The following STMN3 variants were observed in gnomAD, a reference collection of about 807,000 sequenced individuals.
The protein encoded by STMN3 is stathmin-3.
In STMN3, 24 loss-of-function variants were observed where a neutral mutation model predicts 23.2. That is an observed-to-expected ratio of 1.03 (90% CI 0.75 to 1.45). The LOEUF is 1.45. Ranked by LOEUF, STMN3 falls within the 40% of genes most tolerant of loss-of-function variation. STMN3 has a pLI of 0.00. For synonymous variants in STMN3, 117 were observed against 103.4 expected, an observed-to-expected ratio of 1.13 and a Z score of -0.80; for missense variants, 235 against 237.6, an observed-to-expected ratio of 0.99 and a Z score of 0.07.
In STMN3 at chr20:63,643,880, ACCTCGAAGCTCTGG is replaced by A; in HGVS notation, c.153_166del (p.Gln52HisfsTer7). On this transcript the variant is annotated frameshift_variant, in exon 3 of 5. Coordinates refer to ENST00000370053, the MANE Select transcript of STMN3 (RefSeq NM_015894.4). LOFTEE classifies it high-confidence loss of function. The stretch of plus-strand genomic sequence containing the variant: ...CAGGTCAGAAGGGGACTTGAGGATG[ACCTCGAAGCTCTGG>A]CCTGAGGCCCGCTTGTCCAGCTGCT... 2 of 1,593,592 alleles carry A rather than the reference ACCTCGAAGCTCTGG, an allele frequency of 1.3e-6. No individual in the cohort carries two copies. The highest frequency in any genetic ancestry group is 1.7e-6 in the Non-Finnish European group (2 of 1,174,692).
At chr20:63,646,290 G>C (rs1279184309) in intron 1 of STMN3, among the ~76,000 whole-genome samples, 1 of 152,122 alleles carries the variant, frequency 6.6e-6, no homozygotes, top group East Asian at 1.9e-4. Flanking sequence ...ATTGTCTTCA[G>C]GGAGGGAGAT....
intron 1 of STMN3, 70 bp downstream of exon 1, chr20:63,653,257 C>G: frequency 6.6e-7 from 1 of 1,516,910 alleles, no homozygotes. Context: ...GGCCGCTGCC[C>G]CAGGCGAGGC....
At chr20:63,643,241 G>A (rs1243319715) in intron 3 of STMN3, among the ~76,000 whole-genome samples, 2 of 152,138 alleles carry the variant, frequency 1.3e-5, no homozygotes, top group East Asian at 1.9e-4. Context: ...CCAGGTGGCC[G>A]CCTCGGAACC....
At chr20:63,644,081 G>A (rs1295729769) in intron 2 of STMN3, 133 bp downstream of exon 2, 50 of 1,332,638 alleles carry the variant, frequency 3.8e-5, no homozygotes, top group Non-Finnish European at 5.1e-5. Flanking sequence ...CCCCCAGGAT[G>A]GGCCCCTTCC....
intron 1 of STMN3, among the ~76,000 whole-genome samples, chr20:63,646,323 C>A (rs1215769349): frequency 2.6e-5 from 4 of 151,938 alleles, no homozygotes; most frequent in African/African-American, 7.3e-5. Context: ...GGTGGGGGAG[C>A]CTCACAGGGG....
Position 63,652,514 on chromosome 20 carries a change from G to A in STMN3, c.19+813C>T, listed in dbSNP as rs941102281. 1 of 948,468 alleles carries A rather than the reference G, an allele frequency of 1.1e-6. No homozygotes were observed. Among genetic ancestry groups the A allele is most frequent in the East Asian group, 1.2e-4 (1 of 8,570 alleles). 58.8% of individuals were successfully genotyped at this position (948,468 alleles called of 1,614,324 possible). A position where few individuals can be genotyped will look rare whatever the true frequency, so the allele number is the denominator to read the frequency against. ...GAATCCGCCCCCCGCCCGGGCCTGCGCCCGCCCCTCCGCCTGAGCTCCGCG... is the reference window on the plus strand; with the variant it reads ...GAATCCGCCCCCCGCCCGGGCCTGCACCCGCCCCTCCGCCTGAGCTCCGCG... On this transcript the variant is annotated intron_variant, in intron 1 of 4. Transcript: ENST00000370053. The surrounding 1 kb of genome is among the most constrained non-coding windows in gnomAD (Gnocchi z 5.3).
intron 1 of STMN3, among the ~76,000 whole-genome samples, chr20:63,647,703 TATATA>T (rs2089821640): frequency 2.3e-5 from 3 of 132,848 alleles, no homozygotes; most frequent in Non-Finnish European, 4.8e-5. Flanking sequence ...ATATATAATA[TATATA>T]CACGTGTATA....
chr20:63,642,387 C>T, intron 3 of STMN3, 88 bp from the exon 4 acceptor site: 2 of 1,027,528 alleles, frequency 1.9e-6, no homozygotes, highest in Non-Finnish European at 2.5e-6. Context: ...CCGCCCAGCG[C>T]CCGCTCGCCT....
At position 63,642,178 on chromosome 20, in the gene STMN3, T is replaced by C. The variant is rs2089774335; in HGVS notation, c.413A>G (p.Tyr138Cys). ...FSRQAEEKLN[Y>C]KMELSKEIRE... is the part of the protein sequence containing the mutation. ...GATCTCCTTGCTGAGCTCCATCTTG[T>C]AGTTGAGCTTCTCCTCCGCCTGGCG... is the stretch of plus-strand genomic sequence containing the variant. Residue 138 changes from tyrosine to cysteine, a missense_variant, in exon 4 of 5, where the codon TAC becomes TGC. Transcript: ENST00000370053. 1.9e-6 allele frequency: 3 copies of C among 1,543,172 alleles called. No homozygotes were observed. The highest frequency in any genetic ancestry group is 1.9e-5 in the Admixed American group (1 of 52,558).
intron 1 of STMN3, among the ~76,000 whole-genome samples, chr20:63,648,572 C>T (rs2089835967): frequency 1.3e-5 from 2 of 152,048 alleles, no homozygotes; most frequent in South Asian, 4.1e-4. Context: ...CCCATCTCTA[C>T]TAAAAATATA....
Position 63,652,616 on chromosome 20 carries a change from G to A in STMN3, c.19+711C>T. ...CGCCCCGCGGGAGGTGGAGGGGCGG[G>A]AGGGGCGGAGCCCTCTGGTCTCCGG... On this transcript the variant is annotated intron_variant, in intron 1 of 4. Coordinates refer to ENST00000370053, the MANE Select transcript of STMN3 (RefSeq NM_015894.4). The surrounding 1 kb of genome is among the most constrained non-coding windows in gnomAD (Gnocchi z 5.3). The A allele has an allele frequency of 1.0e-6, 1 of 985,454 alleles. No individual in the cohort carries two copies. The highest frequency in any genetic ancestry group is 1.2e-6 in the Non-Finnish European group (1 of 829,938). The allele number at this position is 985,454 out of a possible 1,614,324, so 61.0% of individuals were successfully genotyped here. A position where few individuals can be genotyped will look rare whatever the true frequency, so the allele number is the denominator to read the frequency against.
At chr20:63,643,954 A>C (rs1209765554) in intron 2 of STMN3, 23 bp from the exon 3 acceptor site, 2 of 1,586,712 alleles carry the variant, frequency 1.3e-6, no homozygotes, top group Non-Finnish European at 1.7e-6. Flanking sequence ...ACCAGAGTAG[A>C]GCTTCAGAGG....
At chr20:63,644,037 G>C in intron 2 of STMN3, 106 bp from the exon 3 acceptor site, 1 of 1,480,852 alleles carries the variant, frequency 6.8e-7, no homozygotes, top group Non-Finnish European at 9.1e-7. Flanking sequence ...GGGCGAGAGG[G>C]GGTGGCTGCT....
chr20:63,641,394 G>C lies in STMN3; in HGVS notation c.487C>G (p.Leu163Val), dbSNP rs1339070901. Residue 163 changes from leucine to valine, a missense_variant, in exon 5 of 5, where the codon CTG (leucine) becomes GTG (valine). By Grantham distance (32) the Leu-to-Val change is conservative (BLOSUM62 1). Coordinates refer to ENST00000370053, the MANE Select transcript of STMN3 (RefSeq NM_015894.4). The part of the protein sequence containing the change: ...ALRERLREKE[L>V]HAAEVRRNKE... ...TTCCTGCGCACCTCGGCCGCGTGCA[G>C]CTCCTGCAGGACAGGGGGCGGGAGG... is the stretch of plus-strand genomic sequence containing the variant. 2 of 1,565,524 alleles carry C rather than the reference G, an allele frequency of 1.3e-6. No homozygotes were observed. Among genetic ancestry groups the C allele is most frequent in the Non-Finnish European group, 8.6e-7 (1 of 1,156,142 alleles).
intron 1 of STMN3, among the ~76,000 whole-genome samples, chr20:63,649,498 C>T (rs984896057): frequency 6.6e-6 from 1 of 152,138 alleles, no homozygotes; most frequent in Non-Finnish European, 1.5e-5. Context: ...GGAAGCCCCT[C>T]CCAGAGCCTC....
chr20:63,646,698 G>C lies in STMN3; in HGVS notation c.20-2389C>G, dbSNP rs557543110. 1.1e-4 allele frequency among the ~76,000 whole-genome samples: 17 copies of C among 152,084 alleles called. No homozygotes were observed. The East Asian group carries it at 2.1e-3, about 19-fold the overall frequency. On this transcript the variant is annotated intron_variant, in intron 1 of 4. Coordinates refer to ENST00000370053, the MANE Select transcript of STMN3 (RefSeq NM_015894.4). ...GGACTGTGCTCTGTTGCCCATGCTGGAGTGTAGGGTGCAGCTGTGCGGTTC... is the reference window on the plus strand; with the variant it reads ...GGACTGTGCTCTGTTGCCCATGCTGCAGTGTAGGGTGCAGCTGTGCGGTTC...
Position 63,641,316 on chromosome 20 carries a change from G to T in STMN3, c.*22C>A. 1 of 1,558,192 alleles carries T rather than the reference G, an allele frequency of 6.4e-7. No homozygotes were observed. Among genetic ancestry groups the T allele is most frequent in the Non-Finnish European group, 8.7e-7 (1 of 1,151,750 alleles). ...ACCCGAACGTGTTCTGTCGCAGGATGGGCGCCGCCCGTCCCGGGCCCTTAG... is the reference window on the plus strand; with the variant it reads ...ACCCGAACGTGTTCTGTCGCAGGATTGGCGCCGCCCGTCCCGGGCCCTTAG... On this transcript the variant is annotated 3_prime_UTR_variant, in exon 5 of 5. Transcript: ENST00000370053.
At chr20:63,643,555 A>T in intron 3 of STMN3, 1 of 848,286 alleles carries the variant, frequency 1.2e-6, no homozygotes, top group Non-Finnish European at 1.4e-6. Flanking sequence ...TTCTGGGATT[A>T]CAGGCGTGAG....
At chr20:63,653,187 C>G in intron 1 of STMN3, 140 bp downstream of exon 1, 1 of 1,094,000 alleles carries the variant, frequency 9.1e-7, no homozygotes, top group Non-Finnish European at 1.3e-6. Context: ...CAGCCTCGGG[C>G]GGGTCGGGCC....
Sources: gnomAD v4.1 joint callset for allele counts (sites outside exome capture counted in the v4.1 genomes callset) on GRCh38, gnomAD v4.1.1 for gene constraint, Gnocchi (gnomAD v3.1) non-coding constraint, MANE v1.5 for transcripts, NCBI Gene and HGNC (gene_info 2026-07-23, HGNC 2026-07-21) for gene names.